The following SLCO3A1 variants were observed in gnomAD, a reference collection of about 807,000 sequenced individuals.
The protein encoded by SLCO3A1 is PGE1 transporter.
A neutral mutation model predicts 63.1 loss-of-function variants in SLCO3A1; 27 were observed. The observed-to-expected ratio is 0.43, with a 90% CI of 0.32 to 0.59. The LOEUF is 0.59. Among genes scored for constraint, SLCO3A1 ranks in the 20% least tolerant of loss-of-function variants. The probability of loss-of-function intolerance (pLI) is 0.09; values close to 1 mark genes in which losing one functional copy is unlikely to be tolerated. For missense variants in SLCO3A1, 773 were observed against 945.8 expected, an observed-to-expected ratio of 0.82 and a Z score of 2.40; for synonymous variants, 473 against 409.9, an observed-to-expected ratio of 1.15 and a Z score of -1.86.
intron 2 of SLCO3A1, among the ~76,000 whole-genome samples, chr15:91,956,069 C>T (rs1900165868): frequency 6.6e-6 from 1 of 152,126 alleles, no homozygotes; most frequent in African/African-American, 2.4e-5. Context: ...GGGAGTGATT[C>T]TCAAGGAGGT....
At chr15:91,970,581 A>G (rs906660380) in intron 2 of SLCO3A1, among the ~76,000 whole-genome samples, 1 of 152,192 alleles carries the variant, frequency 6.6e-6, no homozygotes, top group African/African-American at 2.4e-5. Context: ...AGTGGTATCC[A>G]GCTCCCAGGG....
intron 4 of SLCO3A1, among the ~76,000 whole-genome samples, chr15:92,113,147 C>T (rs1483517561): frequency 6.6e-6 from 1 of 152,176 alleles, no homozygotes; most frequent in Non-Finnish European, 1.5e-5. Context: ...TCCCAGGCTC[C>T]TTTCTTCATC....
chr15:92,113,547 A>T (rs1441162942), intron 4 of SLCO3A1, among the ~76,000 whole-genome samples: 3 of 152,142 alleles, frequency 2.0e-5, no homozygotes, highest in Non-Finnish European at 4.4e-5. Flanking sequence ...TCAAAAGGAA[A>T]CCCAGTAGCT....
At chr15:92,123,386 G>C (rs1436691671) in intron 5 of SLCO3A1, among the ~76,000 whole-genome samples, 1 of 152,090 alleles carries the variant, frequency 6.6e-6, no homozygotes, top group African/African-American at 2.4e-5. Flanking sequence ...CAGCCTGGGG[G>C]ACAAGAGTGA....
intron 9 of SLCO3A1, among the ~76,000 whole-genome samples, chr15:92,156,255 T>C (rs201873177): frequency 6.6e-6 from 1 of 152,090 alleles, no homozygotes; most frequent in African/African-American, 2.4e-5. Flanking sequence ...GATACGGCGG[T>C]GGGATGCATG....
At chr15:91,870,596 A>G (rs533382670) in intron 1 of SLCO3A1, among the ~76,000 whole-genome samples, 3 of 152,224 alleles carry the variant, frequency 2.0e-5, no homozygotes, top group Admixed American at 6.5e-5. Flanking sequence ...TCTTTGTATT[A>G]TCTCTTCAAA....
chr15:91,947,043 T>A (rs561041382), intron 2 of SLCO3A1, among the ~76,000 whole-genome samples: 9 of 152,324 alleles, frequency 5.9e-5, no homozygotes, highest in African/African-American at 2.2e-4. Flanking sequence ...CAAAGCAAGC[T>A]CCTGTCATCG....
chr15:92,117,235 A>AT (rs1012722289), intron 4 of SLCO3A1, among the ~76,000 whole-genome samples: 3 of 152,232 alleles, frequency 2.0e-5, no homozygotes, highest in African/African-American at 4.8e-5. Context: ...AGATAATGTG[A>AT]TAAAACTGAA....
Position 91,875,054 on chromosome 15 carries a change from A to G in SLCO3A1, c.180+20966A>G, listed in dbSNP as rs1032467154. Among the ~76,000 whole-genome samples the G allele has an allele frequency of 2.6e-5, 4 of 152,210 alleles. No homozygotes were observed. Among genetic ancestry groups the G allele is most frequent in the Admixed American group, 2.0e-4 (3 of 15,280 alleles). Reference sequence around the variant, plus strand: ...GGTGGTTACATCCACACCACTCCACATGAAACAGACATTTGCCGCCTTGAA... The same window carrying G: ...GGTGGTTACATCCACACCACTCCACGTGAAACAGACATTTGCCGCCTTGAA... On this transcript the variant is annotated intron_variant, in intron 1 of 9. Coordinates refer to ENST00000318445, the MANE Select transcript of SLCO3A1 (RefSeq NM_013272.4). This position sits in a 1 kb window ranked among gnomAD's most constrained non-coding sequence, Gnocchi z 4.5.
intron 2 of SLCO3A1, among the ~76,000 whole-genome samples, chr15:92,038,590 A>G (rs1005468476): frequency 6.6e-6 from 1 of 152,326 alleles, no homozygotes; most frequent in Non-Finnish European, 1.5e-5. Flanking sequence ...CCACTGCCCA[A>G]GAAAATAAGA....
intron 2 of SLCO3A1, among the ~76,000 whole-genome samples, chr15:92,090,281 C>G (rs1464663283): frequency 1.3e-5 from 2 of 152,156 alleles, no homozygotes; most frequent in Non-Finnish European, 2.9e-5. Context: ...ATTCACATGT[C>G]CAAGAGATGT....
chr15:92,152,067 A>G (rs568859291), intron 9 of SLCO3A1, among the ~76,000 whole-genome samples: 2 of 152,358 alleles, frequency 1.3e-5, no homozygotes, highest in African/African-American at 4.8e-5. Flanking sequence ...ACAGGTCTGT[A>G]ATGTAATAAC....
chr15:92,061,842 T>G (rs1406320618), intron 2 of SLCO3A1, among the ~76,000 whole-genome samples: 1 of 152,220 alleles, frequency 6.6e-6, no homozygotes, highest in African/African-American at 2.4e-5. Flanking sequence ...TGTACATCCT[T>G]ACACAAGGGC....
chr15:92,074,372 C>T (rs889380276), intron 2 of SLCO3A1, among the ~76,000 whole-genome samples: 1 of 152,214 alleles, frequency 6.6e-6, no homozygotes, highest in African/African-American at 2.4e-5. Context: ...CACAATTTGT[C>T]TCTTCCCTCT....
chr15:91,921,010 G>A (rs147153728), intron 2 of SLCO3A1, among the ~76,000 whole-genome samples: 1 of 152,236 alleles, frequency 6.6e-6, no homozygotes, highest in Non-Finnish European at 1.5e-5. Context: ...GGGGATGTGG[G>A]ATATGGCGTT....
At chr15:91,960,234 C>T (rs535389568) in intron 2 of SLCO3A1, among the ~76,000 whole-genome samples, 9 of 152,280 alleles carry the variant, frequency 5.9e-5, no homozygotes, top group East Asian at 1.9e-4. Context: ...CTGCCCACCT[C>T]GGCCTCCCAG....
chr15:91,861,583 T>C (rs1043319016), intron 1 of SLCO3A1, among the ~76,000 whole-genome samples: 6 of 152,192 alleles, frequency 3.9e-5, no homozygotes, highest in African/African-American at 1.4e-4. Flanking sequence ...TCAACACACA[T>C]TGAAAATATT....
chr15:92,061,021 A>G (rs920772390), intron 2 of SLCO3A1, among the ~76,000 whole-genome samples: 4 of 152,192 alleles, frequency 2.6e-5, no homozygotes, highest in South Asian at 2.1e-4. Context: ...GTTCATGGCT[A>G]TATTTGGATC....
chr15:91,959,827 C>T (rs1242462981), intron 2 of SLCO3A1, among the ~76,000 whole-genome samples: 1 of 150,730 alleles, frequency 6.6e-6, no homozygotes, highest in Non-Finnish European at 1.5e-5. Context: ...AATTTTAAAA[C>T]ATTTTCATCA....
Sources: allele counts gnomAD v4.1 joint callset (sites outside exome capture counted in the v4.1 genomes callset), GRCh38; gene constraint gnomAD v4.1.1; non-coding constraint Gnocchi (gnomAD v3.1); transcripts MANE v1.5; gene names NCBI Gene and HGNC (gene_info 2026-07-23, HGNC 2026-07-21).